MLIP: variants seen among roughly 807,000 people sequenced by gnomAD.
MLIP encodes the protein muscular LMNA interacting protein.
In MLIP, 79 loss-of-function variants were observed where a neutral mutation model predicts 84.8. That is an observed-to-expected ratio of 0.93 (90% CI 0.78 to 1.12). The LOEUF is 1.12. Among genes scored for constraint, MLIP ranks in the 50% most tolerant of loss-of-function variants. The pLI, the probability that MLIP is intolerant of heterozygous loss-of-function variation, is 0.00. For synonymous variants in MLIP, 504 were observed against 463.0 expected (o/e 1.09, Z -1.14); for missense variants, 1,257 against 1,160.6 (o/e 1.08, Z -1.21).
At chr6:54,199,160 G>C (rs766603730) in intron 10 of MLIP, among the ~76,000 whole-genome samples, 1 of 152,068 alleles carries the variant, frequency 6.6e-6, no homozygotes, top group Non-Finnish European at 1.5e-5. Context: ...CTTTGTTTTT[G>C]ATTAGACAGG....
chr6:54,074,852 G>T (rs1400352826), intron 1 of MLIP, among the ~76,000 whole-genome samples: 1 of 152,158 alleles, frequency 6.6e-6, no homozygotes, highest in African/African-American at 2.4e-5. Context: ...CTGGTACACT[G>T]AAAGCAGTCA....
intron 9 of MLIP, among the ~76,000 whole-genome samples, chr6:54,173,510 A>C (rs1453300383): frequency 6.6e-6 from 1 of 151,798 alleles, no homozygotes; most frequent in East Asian, 1.9e-4. Flanking sequence ...ATAAGGTATA[A>C]GAGTTATTTC....
chr6:54,186,184 C>T (rs1392070066), intron 9 of MLIP, among the ~76,000 whole-genome samples: 1 of 152,180 alleles, frequency 6.6e-6, no homozygotes, highest in Non-Finnish European at 1.5e-5. Flanking sequence ...TTTCAGTTTT[C>T]AGTTATTGTT....
At chr6:54,241,404 G>A (rs1317809531) in intron 12 of MLIP, among the ~76,000 whole-genome samples, 2 of 151,782 alleles carry the variant, frequency 1.3e-5, no homozygotes, top group Non-Finnish European at 1.5e-5. Context: ...GGGTTTAGCT[G>A]TTAATCAAAA....
intron 12 of MLIP, among the ~76,000 whole-genome samples, chr6:54,255,743 T>A (rs1450700524): frequency 1.3e-5 from 2 of 152,188 alleles, no homozygotes; most frequent in Non-Finnish European, 2.9e-5. Context: ...CTCGATTGCT[T>A]TTCTAATCTC....
chr6:54,244,060 T>C (rs1032346691), intron 12 of MLIP, among the ~76,000 whole-genome samples: 3 of 152,202 alleles, frequency 2.0e-5, no homozygotes, highest in African/African-American at 7.2e-5. Context: ...GACAAAATTG[T>C]ACTGAGGTAG....
intron 5 of MLIP, among the ~76,000 whole-genome samples, chr6:54,150,275 G>A (rs1483419734): frequency 6.6e-6 from 1 of 152,176 alleles, no homozygotes; most frequent in East Asian, 1.9e-4. Context: ...CTAGGCTGCA[G>A]GAAAATCTGC....
At chr6:54,096,362 A>G (rs1159382903) in intron 1 of MLIP, among the ~76,000 whole-genome samples, 1 of 152,224 alleles carries the variant, frequency 6.6e-6, no homozygotes, top group Non-Finnish European at 1.5e-5. Flanking sequence ...ATGCTGACAT[A>G]GTATGGTAGA....
At chr6:54,194,727 G>A (rs375998867) in intron 10 of MLIP, among the ~76,000 whole-genome samples, 5 of 150,924 alleles carry the variant, frequency 3.3e-5, no homozygotes, top group South Asian at 2.1e-4. Context: ...TTAGGTTCTC[G>A]AATCACCTTG....
chr6:54,147,554 G>C (rs2797425), intron 4 of MLIP, among the ~76,000 whole-genome samples: 68,687 of 151,912 alleles, frequency 0.45, 17,449 homozygotes, highest in African/African-American at 0.69. Context: ...TGCAGAAAGC[G>C]ACGTAGCTTC....
At chr6:54,263,438 GA>G (rs941792950) in intron 13 of MLIP, among the ~76,000 whole-genome samples, 6 of 149,852 alleles carry the variant, frequency 4.0e-5, no homozygotes, top group South Asian at 4.2e-4. Context: ...AATCTTTCAG[GA>G]AAAAAAAAGA....
chr6:54,019,115 A>G (rs1305212212), intron 1 of MLIP: 2 of 1,609,472 alleles, frequency 1.2e-6, no homozygotes, highest in Non-Finnish European at 1.7e-6. Flanking sequence ...TTTAGCACAC[A>G]CAGATTTATA....
At chr6:54,027,371 A>AT (rs70980885) in intron 1 of MLIP, among the ~76,000 whole-genome samples, 17,024 of 121,268 alleles carry the variant, frequency 0.14, 1,491 homozygotes, top group African/African-American at 0.27. Flanking sequence ...GGAATAAAAA[A>AT]AATACACACA....
chr6:54,228,630 T>C (rs1181273388), intron 11 of MLIP, among the ~76,000 whole-genome samples: 3 of 152,216 alleles, frequency 2.0e-5, no homozygotes, highest in African/African-American at 4.8e-5. Flanking sequence ...AACATTTTCC[T>C]CTTGATTGGA....
intron 12 of MLIP, among the ~76,000 whole-genome samples, chr6:54,253,015 TC>T (rs1782748035): frequency 6.6e-6 from 1 of 152,152 alleles, no homozygotes; most frequent in Non-Finnish European, 1.5e-5. Context: ...TCTGTAGCCA[TC>T]GAATTCTTCC....
At chr6:54,260,822 G>A (rs1783332887) in intron 13 of MLIP, among the ~76,000 whole-genome samples, 1 of 151,898 alleles carries the variant, frequency 6.6e-6, no homozygotes, top group East Asian at 1.9e-4. Context: ...ACAAGGTTTG[G>A]AAATTGCTTA....
chr6:54,128,442 G>A (rs145155497), intron 3 of MLIP, among the ~76,000 whole-genome samples: 13 of 152,248 alleles, frequency 8.5e-5, no homozygotes, highest in African/African-American at 3.1e-4. Flanking sequence ...TTCTATCTAA[G>A]AGGTGAATCA....
intron 5 of MLIP, among the ~76,000 whole-genome samples, chr6:54,156,730 T>G (rs1774069139): frequency 6.6e-6 from 1 of 152,130 alleles, no homozygotes; most frequent in Non-Finnish European, 1.5e-5. Flanking sequence ...TTCATTGGTT[T>G]ACCCAGTGAT....
chr6:54,042,037 A>G (rs1764772766), intron 1 of MLIP, among the ~76,000 whole-genome samples: 3 of 152,066 alleles, frequency 2.0e-5, no homozygotes, highest in Non-Finnish European at 1.5e-5. Flanking sequence ...TTCCTAATTC[A>G]TATAGGGTTT....
Sources: allele counts gnomAD v4.1 joint callset (sites outside exome capture counted in the v4.1 genomes callset), GRCh38; gene constraint gnomAD v4.1.1; transcripts MANE v1.5; gene names NCBI Gene and HGNC (gene_info 2026-07-23, HGNC 2026-07-21).